The following LRRN3 variants were observed in gnomAD, a reference collection of about 807,000 sequenced individuals.
The protein encoded by LRRN3 is leucine-rich repeat neuronal protein 3.
Under a neutral mutation model 40.1 loss-of-function variants are expected in LRRN3, and 15 were observed. The ratio of observed to expected loss-of-function variants is 0.37; its 90% confidence interval spans 0.25 to 0.58. The LOEUF (loss-of-function observed/expected upper bound fraction) is 0.58, where lower values mean the gene tolerates loss of function less well. Ranked by LOEUF, LRRN3 falls within the 20% of genes least tolerant of loss-of-function variation. The pLI, the probability that LRRN3 is intolerant of heterozygous loss-of-function variation, is 0.72. For missense variants in LRRN3, 746 were observed against 837.7 expected (o/e 0.89, Z 1.35); for synonymous variants, 308 against 297.2 (o/e 1.04, Z -0.37).
chr7:111,119,194 G>A (rs1221866480), intron 2 of LRRN3, among the ~76,000 whole-genome samples: 1 of 152,152 alleles, frequency 6.6e-6, no homozygotes, highest in Non-Finnish European at 1.5e-5. Context: ...AGTGATTTAT[G>A]GAAACATACA....
rs750950439 is a variant in LRRN3, at chr7:111,124,978, A to AAAAC, written c.*95_*98dup. 6.8e-6 allele frequency: 7 copies of AAAAC among 1,026,534 alleles called. No homozygotes were observed. The highest frequency in any genetic ancestry group is 3.0e-5 in the Admixed American group (1 of 33,680). The allele number at this position is 1,026,534 out of a possible 1,614,324, so 63.6% of individuals were successfully genotyped here. On this transcript the variant is annotated 3_prime_UTR_variant, in exon 3 of 3. Coordinates refer to ENST00000308478, the MANE Select transcript of LRRN3 (RefSeq NM_001099658.2). ...ACTGCAGTTGTGCTAAAAACAAAAC[A>AAAAC]AAACAAACAAACAAACAAAAAAGTA...
At chr7:111,109,938 G>A (rs1282815139) in intron 2 of LRRN3, among the ~76,000 whole-genome samples, 1 of 152,054 alleles carries the variant, frequency 6.6e-6, no homozygotes, top group Non-Finnish European at 1.5e-5. Flanking sequence ...GTTCAAGACC[G>A]GCCTGATCAA....
intron 2 of LRRN3, 43 bp from the exon 3 acceptor site, chr7:111,122,372 A>G (rs1318687034): frequency 6.3e-6 from 1 of 157,984 alleles, no homozygotes; most frequent in East Asian, 1.9e-4. Flanking sequence ...TGTACTAATT[A>G]TTGTTCTCTT....
rs145068797 is a variant in LRRN3, at chr7:111,116,589, A to C, written c.-358-5826A>C. On this transcript the variant is annotated intron_variant, in intron 2 of 2. Transcript: ENST00000308478. ...CAATTTCACAGGACATTAACAATCA[A>C]CTTGAAAACAAGAGTAAAAATTTAG... Among the ~76,000 whole-genome samples the C allele has an allele frequency of 9.4e-3, 1,434 of 152,310 alleles. 22 individuals are homozygous for C. The highest frequency in any genetic ancestry group is 0.032 in the African/African-American group (1,329 of 41,590).
chr7:111,122,961 C>T lies in LRRN3; in HGVS notation c.189C>T (p.Phe63=). The T allele has an allele frequency of 6.2e-7, 1 of 1,614,036 alleles. No homozygotes were observed. The highest frequency in any genetic ancestry group is 1.1e-5 in the South Asian group (1 of 91,076). Residue 63 remains phenylalanine (F), a synonymous_variant, in exon 3 of 3, where the codon TTC becomes TTT. Coordinates refer to ENST00000308478, the MANE Select transcript of LRRN3 (RefSeq NM_001099658.2). ...VDCNDLGLLT[F]PARLPANTQI... Reference sequence around the variant, plus strand: ...GTAATGATTTAGGTCTTTTAACTTTCCCAGCCAGATTGCCAGCTAACACAC... The same window carrying T: ...GTAATGATTTAGGTCTTTTAACTTTTCCAGCCAGATTGCCAGCTAACACAC...
At chr7:111,120,714 T>C (rs1279828548) in intron 2 of LRRN3, among the ~76,000 whole-genome samples, 1 of 152,232 alleles carries the variant, frequency 6.6e-6, no homozygotes, top group Non-Finnish European at 1.5e-5. Context: ...CTTCTCTGAA[T>C]ACTGCAAAAC....
chr7:111,095,747 T>C (rs1025333204), intron 1 of LRRN3, among the ~76,000 whole-genome samples: 1 of 152,046 alleles, frequency 6.6e-6, no homozygotes, highest in Admixed American at 6.6e-5. Flanking sequence ...CATCTGTTTT[T>C]ACTTGGTTTC....
chr7:111,097,540 T>G (rs1797530336), intron 1 of LRRN3, among the ~76,000 whole-genome samples: 1 of 151,836 alleles, frequency 6.6e-6, no homozygotes, highest in South Asian at 2.1e-4. Context: ...GATTAAAGCA[T>G]TTAAATAACA....
intron 2 of LRRN3, among the ~76,000 whole-genome samples, chr7:111,109,023 A>G (rs1798872135): frequency 2.0e-5 from 3 of 152,330 alleles, no homozygotes; most frequent in Non-Finnish European, 4.4e-5. Context: ...AGCAATAAAC[A>G]AAAAGCAAAT....
intron 2 of LRRN3, among the ~76,000 whole-genome samples, chr7:111,115,192 A>G (rs1031381878): frequency 2.6e-5 from 4 of 152,220 alleles, no homozygotes; most frequent in African/African-American, 9.6e-5. Context: ...ATTGGCTCTC[A>G]AACAATATTG....
At chr7:111,114,467 G>A (rs1799608495) in intron 2 of LRRN3, among the ~76,000 whole-genome samples, 1 of 152,128 alleles carries the variant, frequency 6.6e-6, no homozygotes, top group South Asian at 2.1e-4. Context: ...GCTGGGCACA[G>A]TGACCCACAC....
At chr7:111,098,218 CAT>C (rs1297272343) in intron 1 of LRRN3, among the ~76,000 whole-genome samples, 4 of 151,776 alleles carry the variant, frequency 2.6e-5, no homozygotes, top group African/African-American at 4.8e-5. Context: ...TTACCAAACA[CAT>C]AGTTTATATT....
intron 2 of LRRN3, among the ~76,000 whole-genome samples, chr7:111,101,248 C>A (rs1797937256): frequency 6.6e-6 from 1 of 151,438 alleles, no homozygotes; most frequent in Non-Finnish European, 1.5e-5. Context: ...GACATTTCAT[C>A]TCATGGTCAT....
At chr7:111,091,714 A>G (rs756110077) in intron 1 of LRRN3, among the ~76,000 whole-genome samples, 1 of 152,072 alleles carries the variant, frequency 6.6e-6, no homozygotes. Context: ...ATTCTCCAAC[A>G]TGCATTTTAC....
intron 2 of LRRN3, among the ~76,000 whole-genome samples, chr7:111,104,966 G>A (rs577759039): frequency 6.6e-6 from 1 of 151,744 alleles, no homozygotes; most frequent in East Asian, 1.9e-4. Context: ...AAATATAATG[G>A]CTGTTACAAG....
chr7:111,098,894 A>G (rs1020185921), intron 1 of LRRN3, among the ~76,000 whole-genome samples: 1 of 151,764 alleles, frequency 6.6e-6, no homozygotes, highest in African/African-American at 2.4e-5. Context: ...TCCAAGAGTC[A>G]GATTCTCTAT....
At position 111,124,145 on chromosome 7, in the gene LRRN3, C is replaced by T. The variant is rs1800996983; in HGVS notation, c.1373C>T (p.Thr458Ile). 1 of 1,613,960 alleles carries T rather than the reference C, an allele frequency of 6.2e-7. No homozygotes were observed. The highest frequency in any genetic ancestry group is 8.5e-7 in the Non-Finnish European group (1 of 1,179,960). The change falls in exon 3 of 3, where the codon ACA becomes ATA. Residue 458 changes from threonine (T) to isoleucine (I), a missense_variant. By Grantham distance (89) the Thr-to-Ile change is moderately conservative. Transcript: ENST00000308478. ...AEPQPEIYWI[T>I]PSGQKLLPNT... ...CCACAGCCTGAAATCTACTGGATAA[C>T]ACCTTCTGGTCAAAAACTCTTGCCT...
At chr7:111,092,126 G>GC (rs759934733) in intron 1 of LRRN3, among the ~76,000 whole-genome samples, 3 of 152,160 alleles carry the variant, frequency 2.0e-5, no homozygotes, top group Non-Finnish European at 4.4e-5. Flanking sequence ...TTTCTGCCAG[G>GC]CTACATCTTA....
chr7:111,097,341 A>G (rs1395353584), intron 1 of LRRN3: 1 of 151,928 alleles, frequency 6.6e-6, no homozygotes, highest in Non-Finnish European at 1.5e-5. Flanking sequence ...AATAGTAGAT[A>G]TTTTAACTAT....
Sources: gnomAD v4.1 joint callset for allele counts (sites outside exome capture counted in the v4.1 genomes callset) on GRCh38, gnomAD v4.1.1 for gene constraint, MANE v1.5 for transcripts, NCBI Gene and HGNC (gene_info 2026-07-23, HGNC 2026-07-21) for gene names.